Variants in AGBL4 observed in about 807,000 individuals in gnomAD.
AGBL4 encodes the protein AGBL carboxypeptidase 4.
AGBL4 carries 58 observed loss-of-function variants against 66.4 expected under a neutral mutation model. That is an observed-to-expected ratio of 0.87 (90% CI 0.71 to 1.09). AGBL4 has a LOEUF of 1.09. Ranked by LOEUF, AGBL4 falls within the 50% of genes least tolerant of loss-of-function variation. AGBL4 has a pLI of 0.00. For synonymous variants in AGBL4, 234 were observed against 222.9 expected (o/e 1.05, Z -0.44); for missense variants, 579 against 631.0 (o/e 0.92, Z 0.88).
At chr1:49,739,283 T>C (rs1034386966) in intron 2 of AGBL4, among the ~76,000 whole-genome samples, 1 of 152,104 alleles carries the variant, frequency 6.6e-6, no homozygotes, top group Non-Finnish European at 1.5e-5. Flanking sequence ...GCTGATTCGA[T>C]CAACTGGAAG....
chr1:49,114,968 C>T (rs1400114032), intron 4 of AGBL4, among the ~76,000 whole-genome samples: 1 of 152,024 alleles, frequency 6.6e-6, no homozygotes, highest in African/African-American at 2.4e-5. Context: ...AGATGTGACA[C>T]AGAGACATGA....
intron 8 of AGBL4, among the ~76,000 whole-genome samples, chr1:48,639,692 A>C (rs1354282830): frequency 2.0e-5 from 3 of 152,242 alleles, no homozygotes; most frequent in Non-Finnish European, 4.4e-5. Context: ...GCATTGCTCA[A>C]CATTTGAGAT....
At chr1:49,584,978 T>C (rs1229664219) in intron 3 of AGBL4, among the ~76,000 whole-genome samples, 1 of 152,218 alleles carries the variant, frequency 6.6e-6, no homozygotes, top group Non-Finnish European at 1.5e-5. Context: ...CTCTCCATCG[T>C]AGTTATTATC....
At chr1:48,801,483 AG>A (rs1645805841) in intron 6 of AGBL4, among the ~76,000 whole-genome samples, 3 of 152,234 alleles carry the variant, frequency 2.0e-5, no homozygotes, top group Admixed American at 2.0e-4. Context: ...AGATAAAGTC[AG>A]GGATGGCTTC....
chr1:49,864,559 C>A (rs1646654758), intron 1 of AGBL4, among the ~76,000 whole-genome samples: 2 of 152,132 alleles, frequency 1.3e-5, no homozygotes, highest in South Asian at 4.2e-4. Context: ...GCCCACCCAG[C>A]AGCTACACAG....
intron 3 of AGBL4, among the ~76,000 whole-genome samples, chr1:49,481,122 C>T (rs869192992): frequency 2.0e-5 from 3 of 151,948 alleles, no homozygotes; most frequent in Admixed American, 6.6e-5. Context: ...GGGTTCTTTT[C>T]GGTTCCACAT....
chr1:48,742,494 C>CA (rs1650070418), intron 6 of AGBL4: 1 of 931,590 alleles, frequency 1.1e-6, no homozygotes, highest in South Asian at 4.3e-5. Flanking sequence ...ATTCCAGAAA[C>CA]AGTCATTCAG....
Position 49,469,358 on chromosome 1 carries a change from T to C in AGBL4, c.283-223494A>G, listed in dbSNP as rs4926813. Among the ~76,000 whole-genome samples the C allele has an allele frequency of 9.4e-3, 1,428 of 151,918 alleles. 50 individuals carry two copies. Among genetic ancestry groups the C allele is most frequent in the Admixed American group, 0.07 (1,060 of 15,222 alleles). On this transcript the variant is annotated intron_variant, in intron 3 of 13. Coordinates refer to ENST00000371839, the MANE Select transcript of AGBL4 (RefSeq NM_032785.4). The stretch of plus-strand genomic sequence containing the variant: ...GAGATTTCAACATTTGGGATTATGG[T>C]GTTTAGGATTGTATCTTTCAGGATT...
At chr1:49,247,846 G>T (rs1351041431) in intron 3 of AGBL4, among the ~76,000 whole-genome samples, 1 of 152,142 alleles carries the variant, frequency 6.6e-6, no homozygotes, top group Non-Finnish European at 1.5e-5. Context: ...AACAAAAGTT[G>T]TTTATTTTAG....
At position 49,013,626 on chromosome 1, in the gene AGBL4, C is replaced by T. The variant is rs1472861495; in HGVS notation, c.594+31958G>A. On this transcript the variant is annotated intron_variant, in intron 5 of 13. Coordinates refer to ENST00000371839, the MANE Select transcript of AGBL4 (RefSeq NM_032785.4). ...TACCATTATGCTCTGCCTATCCCCA[C>T]CTCTTCTGTATTCTATTTGCTGCTC... 3.3e-5 allele frequency among the ~76,000 whole-genome samples: 5 copies of T among 152,152 alleles called. No homozygotes were observed. In the South Asian group the frequency reaches 1.0e-3, roughly 32 times the overall value.
At chr1:49,172,993 C>T (rs2148167760) in intron 4 of AGBL4, among the ~76,000 whole-genome samples, 1 of 152,168 alleles carries the variant, frequency 6.6e-6, no homozygotes, top group East Asian at 1.9e-4. Flanking sequence ...GTGGCACATG[C>T]CTGTAATCCC....
At chr1:50,015,739 T>C (rs1248490254) in intron 1 of AGBL4, among the ~76,000 whole-genome samples, 1 of 152,084 alleles carries the variant, frequency 6.6e-6, no homozygotes, top group Non-Finnish European at 1.5e-5. Context: ...TTACCTGACT[T>C]CAAACTATAC....
intron 6 of AGBL4, among the ~76,000 whole-genome samples, chr1:48,864,335 T>C (rs1647784484): frequency 1.3e-5 from 2 of 152,192 alleles, no homozygotes; most frequent in African/African-American, 2.4e-5. Flanking sequence ...CATTCTGCTA[T>C]TGGAAGAGTA....
chr1:49,810,681 C>T (rs1387174934), intron 2 of AGBL4, among the ~76,000 whole-genome samples: 1 of 151,922 alleles, frequency 6.6e-6, no homozygotes, highest in Non-Finnish European at 1.5e-5. Context: ...CAGACTGAAA[C>T]AAAGGAAGAA....
chr1:48,709,082 C>T (rs1646923131), intron 6 of AGBL4, among the ~76,000 whole-genome samples: 1 of 152,226 alleles, frequency 6.6e-6, no homozygotes, highest in Admixed American at 6.5e-5. Context: ...GTCTCTATCA[C>T]TAAAAGGAAG....
At chr1:49,199,308 A>G (rs572175032) in intron 4 of AGBL4, among the ~76,000 whole-genome samples, 82 of 152,300 alleles carry the variant, frequency 5.4e-4, no homozygotes, top group African/African-American at 1.9e-3. Flanking sequence ...CAGCAGCAAG[A>G]CTACTTTTGT....
Position 48,728,231 on chromosome 1 carries a change from G to A in AGBL4, c.635-64990C>T, listed in dbSNP as rs576031495. Among the ~76,000 whole-genome samples the A allele has an allele frequency of 2.6e-5, 4 of 152,262 alleles. No homozygotes were observed. In the South Asian group the frequency reaches 8.3e-4, roughly 32 times the overall value. On this transcript the variant is annotated intron_variant, in intron 6 of 13. Transcript: ENST00000371839. ...AAAAGAGCAGATATACACTGTAAATGTACTCTTTAAAAGTAATGATAAAGT... is the reference window on the plus strand; with the variant it reads ...AAAAGAGCAGATATACACTGTAAATATACTCTTTAAAAGTAATGATAAAGT...
intron 8 of AGBL4, among the ~76,000 whole-genome samples, chr1:48,643,331 C>T (rs1289382621): frequency 6.6e-6 from 1 of 152,202 alleles, no homozygotes; most frequent in Non-Finnish European, 1.5e-5. Context: ...GCACTCTACC[C>T]TCCACCTACC....
chr1:49,194,726 T>C (rs1444830428), intron 4 of AGBL4, among the ~76,000 whole-genome samples: 4 of 152,188 alleles, frequency 2.6e-5, no homozygotes, highest in African/African-American at 9.6e-5. Flanking sequence ...GAGGGGACTG[T>C]ACACAGTTTA....
Sources: gnomAD v4.1 joint callset for allele counts (sites outside exome capture counted in the v4.1 genomes callset) on GRCh38, gnomAD v4.1.1 for gene constraint, MANE v1.5 for transcripts, NCBI Gene and HGNC (gene_info 2026-07-23, HGNC 2026-07-21) for gene names.